Variants in EEFSEC observed in about 807,000 individuals in gnomAD.
EEFSEC encodes eukaryotic elongation factor, selenocysteine-tRNA specific, also known as selenocysteine-specific elongation factor.
A neutral mutation model predicts 42.1 loss-of-function variants in EEFSEC; 43 were observed. The ratio of observed to expected loss-of-function variants is 1.02; its 90% CI spans 0.80 to 1.32. The LOEUF (loss-of-function observed/expected upper bound fraction) is 1.32, where lower values mean the gene tolerates loss of function less well. EEFSEC is among the 40% of genes most tolerant of loss of function. The pLI is 0.00. For synonymous variants in EEFSEC, 354 were observed against 339.1 expected, an observed-to-expected ratio of 1.04 and a Z score of -0.48; for missense variants, 745 against 803.6, an observed-to-expected ratio of 0.93 and a Z score of 0.88.
intron 1 of EEFSEC, among the ~76,000 whole-genome samples, chr3:128,177,705 T>C (rs1208837307): frequency 6.6e-6 from 1 of 152,192 alleles, no homozygotes; most frequent in Non-Finnish European, 1.5e-5. Flanking sequence ...TCTTTTTGTG[T>C]TTTGTTGCGG....
At chr3:128,186,239 A>G (rs1367101514) in intron 1 of EEFSEC, among the ~76,000 whole-genome samples, 1 of 152,208 alleles carries the variant, frequency 6.6e-6, no homozygotes, top group Non-Finnish European at 1.5e-5. Context: ...CTTTGGAGAA[A>G]TGCCTATTCA....
In EEFSEC at chr3:128,153,896, C is replaced by T; in HGVS notation, c.316+73C>T. 6 of 1,427,908 alleles carry T rather than the reference C, an allele frequency of 4.2e-6. No individual in the cohort carries two copies. In the South Asian group the frequency reaches 8.9e-5, roughly 21 times the overall value. The allele number at this position is 1,427,908 out of a possible 1,614,324, so 88.5% of individuals were successfully genotyped here. On this transcript the variant is annotated intron_variant, in intron 1 of 6. Coordinates refer to ENST00000254730, the MANE Select transcript of EEFSEC (RefSeq NM_021937.5). ...CGACCGGGCCCCGTGTCCGAATTCG[C>T]TCGAGCCTTTGCCGGGACGGGAAAT...
intron 6 of EEFSEC, among the ~76,000 whole-genome samples, chr3:128,376,115 G>C (rs146552064): frequency 2.6e-5 from 4 of 152,178 alleles, no homozygotes; most frequent in Admixed American, 1.3e-4. Flanking sequence ...CTCTTTCCCA[G>C]TAACCCCACC....
chr3:128,287,292 A>G (rs146593584), intron 4 of EEFSEC, among the ~76,000 whole-genome samples: 1 of 152,110 alleles, frequency 6.6e-6, no homozygotes, highest in Non-Finnish European at 1.5e-5. Flanking sequence ...ATGCAGCTCC[A>G]AGGGGGCAGG....
At chr3:128,421,070 A>G in the EEFSEC span, among the ~76,000 whole-genome samples, 142 of 152,138 alleles carry the variant, frequency 9.3e-4, 1 homozygote, top group Non-Finnish European at 5.6e-4. Flanking sequence ...CCCAGGAGCC[A>G]GCGTGGCAGG....
chr3:128,326,960 G>C (rs2067070440), intron 4 of EEFSEC, among the ~76,000 whole-genome samples: 1 of 152,142 alleles, frequency 6.6e-6, no homozygotes, highest in Non-Finnish European at 1.5e-5. Context: ...GCACAGCACT[G>C]TTGTGTAAAT....
intron 1 of EEFSEC, among the ~76,000 whole-genome samples, chr3:128,217,930 T>C (rs1005502563): frequency 6.6e-6 from 1 of 152,180 alleles, no homozygotes; most frequent in Non-Finnish European, 1.5e-5. Flanking sequence ...TCAGGTACAT[T>C]TCATCATCCT....
intron 1 of EEFSEC, among the ~76,000 whole-genome samples, chr3:128,171,137 T>TA (rs1271195400): frequency 6.6e-6 from 1 of 152,244 alleles, no homozygotes; most frequent in African/African-American, 2.4e-5. Flanking sequence ...AGTATTTGCT[T>TA]ACAGTCTTGG....
rs1462264042 is a variant in EEFSEC, at chr3:128,348,692, G to T, written c.1443+6803G>T. On this transcript the variant is annotated intron_variant, in intron 5 of 6. Coordinates refer to ENST00000254730, the MANE Select transcript of EEFSEC (RefSeq NM_021937.5). ...AGTCTCCTTTCCAGGCAGATGTAAA[G>T]AAATATATTAGGTAAATAGTAGGTC... 2.0e-5 allele frequency among the ~76,000 whole-genome samples: 3 copies of T among 152,156 alleles called. No homozygotes were observed. In the East Asian group the frequency reaches 5.8e-4, roughly 29 times the overall value.
intron 4 of EEFSEC, among the ~76,000 whole-genome samples, chr3:128,326,783 C>CA (rs1402944326): frequency 6.6e-6 from 1 of 152,192 alleles, no homozygotes; most frequent in Non-Finnish European, 1.5e-5. Flanking sequence ...TTTAATCACA[C>CA]AATCAATTCA....
intron 4 of EEFSEC, among the ~76,000 whole-genome samples, chr3:128,315,187 A>C (rs2108026759): frequency 6.6e-6 from 1 of 152,338 alleles, no homozygotes; most frequent in Non-Finnish European, 1.5e-5. Context: ...TCTCAGCAGT[A>C]AAGTGGGGGA....
chr3:128,180,250 A>G (rs1305637780), intron 1 of EEFSEC, among the ~76,000 whole-genome samples: 1 of 152,200 alleles, frequency 6.6e-6, no homozygotes, highest in Non-Finnish European at 1.5e-5. Context: ...GGACTTCAAT[A>G]TATGGTTAAC....
chr3:128,360,836 G>A (rs375861908), intron 6 of EEFSEC, among the ~76,000 whole-genome samples: 3 of 152,122 alleles, frequency 2.0e-5, no homozygotes, highest in African/African-American at 7.2e-5. Context: ...CTTCCTGTTT[G>A]TGGCTTTTAA....
intron 1 of EEFSEC, among the ~76,000 whole-genome samples, chr3:128,186,120 C>A (rs2107797093): frequency 6.6e-6 from 1 of 152,302 alleles, no homozygotes; most frequent in African/African-American, 2.4e-5. Flanking sequence ...TCTGTCTGAT[C>A]ATATCCATCC....
rs532290434 is a variant in EEFSEC, at chr3:128,313,544, G to T, written c.787-27689G>T. On this transcript the variant is annotated intron_variant, in intron 4 of 6. Transcript: ENST00000254730. ...AGGCCTCCCACTCCCAGAGTCTATG[G>T]ATGCCACACCCAGGACTCAGGCATG... Among the ~76,000 whole-genome samples, 26 of 152,320 alleles carry T rather than the reference G, an allele frequency of 1.7e-4. No homozygotes were observed. The South Asian group carries it at 3.9e-3, about 23-fold the overall frequency.
At chr3:128,414,286 C>T in the EEFSEC span, among the ~76,000 whole-genome samples, 1 of 152,200 alleles carries the variant, frequency 6.6e-6, no homozygotes, top group African/African-American at 2.4e-5. Context: ...CTCCCACTCC[C>T]TCCCTCCCAA....
chr3:128,376,754 C>T (rs959837986), intron 6 of EEFSEC, among the ~76,000 whole-genome samples: 1 of 152,116 alleles, frequency 6.6e-6, no homozygotes, highest in Non-Finnish European at 1.5e-5. Context: ...CAGGATTCAC[C>T]AGTGCCTAAC....
chr3:128,269,125 C>G (rs1221211602), intron 4 of EEFSEC, among the ~76,000 whole-genome samples: 2 of 152,180 alleles, frequency 1.3e-5, no homozygotes, highest in Non-Finnish European at 2.9e-5. Context: ...CCTGGCATGC[C>G]CATCCCACAA....
rs530982437 is a variant in EEFSEC at position 128,371,682 on chromosome 3, G to A, written c.1600+13309G>A. Among the ~76,000 whole-genome samples the A allele has an allele frequency of 2.4e-4, 36 of 152,290 alleles. 1 individual carries two copies. Among genetic ancestry groups the A allele is most frequent in the African/African-American group, 7.5e-4 (31 of 41,564 alleles). On this transcript the variant is annotated intron_variant, in intron 6 of 6. Coordinates refer to ENST00000254730, the MANE Select transcript of EEFSEC (RefSeq NM_021937.5). ...GCAGGATGCACCCCAGAACCTGTTG[G>A]GGTGCAGAATGAGGAGGGTGATGTC...
Sources: gnomAD v4.1 joint callset for allele counts (sites outside exome capture counted in the v4.1 genomes callset) on GRCh38, gnomAD v4.1.1 for gene constraint, MANE v1.5 for transcripts, NCBI Gene and HGNC (gene_info 2026-07-23, HGNC 2026-07-21) for gene names.